Variants in NR2F1-AS1 observed in about 807,000 individuals in gnomAD.
NR2F1-AS1 encodes NR2F1 regulatory antisense RNA 1, also known as NR2F1 antisense RNA 1.
chr5:93,447,196 G>A (rs1269506668), intron 4 of NR2F1-AS1, among the ~76,000 whole-genome samples: 3 of 152,268 alleles, frequency 2.0e-5, no homozygotes, highest in African/African-American at 7.2e-5. Context: ...AGCCAAAATT[G>A]ACAAAGGAGA....
At chr5:93,439,949 A>C (rs991356333) in intron 4 of NR2F1-AS1, among the ~76,000 whole-genome samples, 22 of 152,196 alleles carry the variant, frequency 1.4e-4, no homozygotes, top group African/African-American at 5.1e-4. Flanking sequence ...CTTGAAGACA[A>C]TGTGTCTAAC....
chr5:93,528,449 G>A (rs911896235), intron 4 of NR2F1-AS1, among the ~76,000 whole-genome samples: 5 of 152,190 alleles, frequency 3.3e-5, no homozygotes, highest in Non-Finnish European at 7.3e-5. Flanking sequence ...TACACTGTTG[G>A]TAGAGTATAA....
intron 4 of NR2F1-AS1, among the ~76,000 whole-genome samples, chr5:93,549,237 G>A (rs1373211259): frequency 1.3e-5 from 2 of 152,126 alleles, no homozygotes; most frequent in East Asian, 3.8e-4. Flanking sequence ...ATACAACTAT[G>A]TGTAACAACA....
chr5:93,529,083 T>C (rs1249118283), intron 4 of NR2F1-AS1, among the ~76,000 whole-genome samples: 1 of 152,028 alleles, frequency 6.6e-6, no homozygotes, highest in East Asian at 1.9e-4. Context: ...AGAAGAAAAA[T>C]ATACATTCAT....
intron 4 of NR2F1-AS1, among the ~76,000 whole-genome samples, chr5:93,522,321 T>C (rs1751518625): frequency 1.3e-5 from 2 of 152,174 alleles, no homozygotes; most frequent in South Asian, 2.1e-4. Flanking sequence ...AGTTCACCTA[T>C]GTAACAAACC....
intron 4 of NR2F1-AS1, among the ~76,000 whole-genome samples, chr5:93,486,769 CA>C (rs1266407168): frequency 6.6e-6 from 1 of 152,136 alleles, no homozygotes; most frequent in Non-Finnish European, 1.5e-5. Flanking sequence ...ATCCTGATAC[CA>C]AAACCTGGCA....
intron 4 of NR2F1-AS1, among the ~76,000 whole-genome samples, chr5:93,505,853 T>G (rs975356167): frequency 6.6e-6 from 1 of 152,228 alleles, no homozygotes; most frequent in Non-Finnish European, 1.5e-5. Flanking sequence ...CCTAGAGACA[T>G]GGCCTGGAGA....
chr5:93,521,727 G>A (rs1231516801), intron 4 of NR2F1-AS1, among the ~76,000 whole-genome samples: 4 of 152,208 alleles, frequency 2.6e-5, no homozygotes, highest in Non-Finnish European at 5.9e-5. Context: ...GTGCTGGTGA[G>A]GTTGTGGAGA....
At chr5:93,497,091 C>G (rs1303710687) in intron 4 of NR2F1-AS1, among the ~76,000 whole-genome samples, 1 of 151,990 alleles carries the variant, frequency 6.6e-6, no homozygotes, top group Non-Finnish European at 1.5e-5. Context: ...TCAGTAAAGG[C>G]CTTTTTTTTT....
At chr5:93,502,510 T>C (rs772604057) in intron 4 of NR2F1-AS1, among the ~76,000 whole-genome samples, 7 of 152,216 alleles carry the variant, frequency 4.6e-5, no homozygotes, top group Admixed American at 2.0e-4. Context: ...TTAAGGTCCA[T>C]CTGTCAGGAC....
rs773526987 is a variant in NR2F1-AS1, at chr5:93,457,953, G to A, written n.639-62411C>T. 1.1e-3 allele frequency among the ~76,000 whole-genome samples: 173 copies of A among 152,112 alleles called. 1 individual carries two copies. Among genetic ancestry groups the A allele is most frequent in the Non-Finnish European group, 4.9e-4 (33 of 67,988 alleles). ...GGTTCATTGTACAACTTCAAATATC[G>A]CAAGGCTGACTGTAGACATACTCGG... On this transcript the variant is annotated intron_variant and non_coding_transcript_variant, in intron 4 of 5. Coordinates refer to ENST00000660523, the Ensembl canonical transcript of NR2F1-AS1.
chr5:93,441,275 C>T (rs1283466331), intron 4 of NR2F1-AS1, among the ~76,000 whole-genome samples: 1 of 152,182 alleles, frequency 6.6e-6, no homozygotes, highest in Non-Finnish European at 1.5e-5. Context: ...ACTATCCTTT[C>T]CAAAGACCTG....
intron 4 of NR2F1-AS1, among the ~76,000 whole-genome samples, chr5:93,549,735 A>C (rs1752180062): frequency 6.6e-6 from 1 of 152,124 alleles, no homozygotes; most frequent in African/African-American, 2.4e-5. Flanking sequence ...TATCAATCAC[A>C]TTAAAGAGCG....
chr5:93,458,199 G>A (rs192690929), intron 4 of NR2F1-AS1, among the ~76,000 whole-genome samples: 8 of 152,170 alleles, frequency 5.3e-5, no homozygotes, highest in Admixed American at 2.0e-4. Flanking sequence ...CAGAGGACCC[G>A]CGCTGGCCAC....
intron 4 of NR2F1-AS1, among the ~76,000 whole-genome samples, chr5:93,546,134 C>T (rs2149908988): frequency 6.6e-6 from 1 of 152,204 alleles, no homozygotes. Flanking sequence ...ACTATGAATA[C>T]AGGAATCAGA....
intron 4 of NR2F1-AS1, among the ~76,000 whole-genome samples, chr5:93,489,100 G>A (rs1750785648): frequency 1.3e-5 from 2 of 149,632 alleles, no homozygotes; most frequent in Non-Finnish European, 3.0e-5. Flanking sequence ...CCTGTTGGAG[G>A]GTGGAGGACT....
chr5:93,546,082 A>G (rs1752078748), intron 4 of NR2F1-AS1, among the ~76,000 whole-genome samples: 1 of 152,212 alleles, frequency 6.6e-6, no homozygotes, highest in South Asian at 2.1e-4. Context: ...GGGCAAGTTA[A>G]TTAACCTCTC....
intron 4 of NR2F1-AS1, among the ~76,000 whole-genome samples, chr5:93,434,694 A>G (rs1749397195): frequency 6.6e-6 from 1 of 152,180 alleles, no homozygotes; most frequent in African/African-American, 2.4e-5. Context: ...TGTCCCCAAA[A>G]TGTGCTGTAT....
intron 4 of NR2F1-AS1, among the ~76,000 whole-genome samples, chr5:93,451,000 A>G (rs1749818016): frequency 6.6e-6 from 1 of 151,918 alleles, no homozygotes; most frequent in Admixed American, 6.6e-5. Context: ...CTCTTAACAA[A>G]ACTCTTAACT....
Sources: gnomAD v4.1 joint callset for allele counts (sites outside exome capture counted in the v4.1 genomes callset) on GRCh38, gnomAD v4.1.1 for gene constraint, MANE v1.5 for transcripts, NCBI Gene and HGNC (gene_info 2026-07-23, HGNC 2026-07-21) for gene names.